The following SOX5 variants were observed in gnomAD, a reference collection of about 807,000 sequenced individuals.
SOX5 encodes SRY-box transcription factor 5.
In SOX5, 9 loss-of-function variants were observed where a neutral mutation model predicts 92.0. The ratio of observed to expected loss-of-function variants is 0.10; its 90% CI spans 0.06 to 0.17. The LOEUF (loss-of-function observed/expected upper bound fraction) is 0.17. SOX5 is among the 10% of genes least tolerant of loss of function. SOX5 has a pLI of 1.00. For missense variants in SOX5, 642 were observed against 944.5 expected (o/e 0.68, Z 4.20); for synonymous variants, 344 against 336.3 (o/e 1.02, Z -0.25).
intron 4 of SOX5, among the ~76,000 whole-genome samples, chr12:24,093,082 C>T (rs75342935): frequency 0.031 from 4,763 of 152,144 alleles, 119 homozygotes; most frequent in Middle Eastern, 0.11. Flanking sequence ...AAAAGGGGGG[C>T]TATTTCCAAC....
At chr12:23,959,759 G>T (rs1946684902) in intron 4 of SOX5, among the ~76,000 whole-genome samples, 1 of 151,980 alleles carries the variant, frequency 6.6e-6, no homozygotes, top group Admixed American at 6.6e-5. Flanking sequence ...GAAATAGAAA[G>T]TGTCCTTAAA....
intron 5 of SOX5, among the ~76,000 whole-genome samples, chr12:23,739,478 T>C (rs2093719198): frequency 6.6e-6 from 1 of 152,190 alleles, no homozygotes; most frequent in Non-Finnish European, 1.5e-5. Flanking sequence ...ATTAGAACGA[T>C]TACTTTTCTA....
intron 3 of SOX5, among the ~76,000 whole-genome samples, chr12:24,261,778 A>G (rs1942128693): frequency 6.6e-6 from 1 of 152,162 alleles, no homozygotes; most frequent in Non-Finnish European, 1.5e-5. Context: ...CCACCATTCA[A>G]GGCTCCACTC....
chr12:23,568,891 C>CAA (rs11398102), intron 10 of SOX5, among the ~76,000 whole-genome samples: 23,097 of 145,348 alleles, frequency 0.16, 1,994 homozygotes, highest in Middle Eastern at 0.27. Flanking sequence ...AAGAATATCT[C>CAA]AAAAAAAAAA....
At chr12:23,687,902 G>A (rs2087921832) in intron 6 of SOX5, among the ~76,000 whole-genome samples, 1 of 149,620 alleles carries the variant, frequency 6.7e-6, no homozygotes, top group Admixed American at 6.7e-5. Flanking sequence ...TTAACAAAAA[G>A]GTTTTGTTTG....
chr12:24,327,385 C>CTTTTTTTTTTTTTTTTTTTTT, intron 2 of SOX5, among the ~76,000 whole-genome samples: 1 of 56,690 alleles, frequency 1.8e-5, no homozygotes, highest in Admixed American at 2.9e-4. Flanking sequence ...GCAATGGAGA[C>CTTTTTTTTTTTTTTTTTTTTT]TTTTTTTTTT....
intron 6 of SOX5, among the ~76,000 whole-genome samples, chr12:23,674,945 G>A (rs2085422650): frequency 1.3e-5 from 2 of 152,034 alleles, no homozygotes; most frequent in Admixed American, 1.3e-4. Context: ...GCCATTTGGT[G>A]TTAATTTCTT....
intron 6 of SOX5, among the ~76,000 whole-genome samples, chr12:23,712,146 C>T (rs551263574): frequency 3.9e-5 from 6 of 152,208 alleles, no homozygotes; most frequent in African/African-American, 1.4e-4. Context: ...AATACATCAG[C>T]CACAACTCTT....
intron 7 of SOX5, among the ~76,000 whole-genome samples, chr12:23,654,502 C>CAA (rs2082070309): frequency 6.6e-6 from 1 of 152,080 alleles, no homozygotes; most frequent in Non-Finnish European, 1.5e-5. Context: ...AATCATTCTT[C>CAA]ACTGTGATTG....
At chr12:23,549,270 G>T (rs1943724956) in intron 11 of SOX5, among the ~76,000 whole-genome samples, 1 of 151,874 alleles carries the variant, frequency 6.6e-6, no homozygotes. Context: ...AAACACCAAA[G>T]AAACTGATTT....
At chr12:23,844,694 T>A (rs1026788209) in intron 3 of SOX5, among the ~76,000 whole-genome samples, 1 of 152,164 alleles carries the variant, frequency 6.6e-6, no homozygotes, top group African/African-American at 2.4e-5. Context: ...AATTAAACAT[T>A]ATTGCTGTTT....
chr12:23,573,586 T>TA (rs1382508121), intron 10 of SOX5, among the ~76,000 whole-genome samples: 1 of 152,192 alleles, frequency 6.6e-6, no homozygotes, highest in Non-Finnish European at 1.5e-5. Flanking sequence ...GTTTTGCATC[T>TA]AAAAAAAGTG....
At chr12:23,878,704 T>C (rs891705975) in intron 2 of SOX5, among the ~76,000 whole-genome samples, 9 of 152,156 alleles carry the variant, frequency 5.9e-5, no homozygotes, top group African/African-American at 2.2e-4. Context: ...ATTTTTATTA[T>C]ATTAAGCTAT....
At chr12:23,949,456 G>T in intron 1 of SOX5, 108 bp downstream of exon 1, 1 of 1,340,862 alleles carries the variant, frequency 7.5e-7, no homozygotes, top group South Asian at 1.2e-5. Flanking sequence ...CTAGCTAAAG[G>T]CTTCTCTAAC....
intron 3 of SOX5, among the ~76,000 whole-genome samples, chr12:24,226,670 C>T (rs540228227): frequency 6.6e-6 from 1 of 152,108 alleles, no homozygotes; most frequent in Admixed American, 6.5e-5. Flanking sequence ...GGGGTTTCAT[C>T]ACATTGGCCA....
chr12:23,657,103 C>T (rs1366491794), intron 7 of SOX5, among the ~76,000 whole-genome samples: 2 of 145,564 alleles, frequency 1.4e-5, no homozygotes, highest in African/African-American at 2.6e-5. Flanking sequence ...AGTTCTTTCT[C>T]GCCTGACTTT....
intron 3 of SOX5, among the ~76,000 whole-genome samples, chr12:23,833,621 A>G (rs1482849257): frequency 1.3e-5 from 2 of 152,012 alleles, no homozygotes; most frequent in Non-Finnish European, 2.9e-5. Flanking sequence ...TTGTATAAAA[A>G]TCACTTCATG....
intron 2 of SOX5, among the ~76,000 whole-genome samples, chr12:24,340,997 C>G (rs1334493227): frequency 1.3e-5 from 2 of 152,152 alleles, no homozygotes; most frequent in Non-Finnish European, 2.9e-5. Flanking sequence ...ATCTGGGCAA[C>G]CACATACCAA....
intron 4 of SOX5, among the ~76,000 whole-genome samples, chr12:24,025,334 C>T (rs1021482583): frequency 1.3e-5 from 2 of 151,964 alleles, no homozygotes; most frequent in African/African-American, 2.4e-5. Context: ...GAAAAAGAAA[C>T]GTATTTCTCT....
Sources: gnomAD v4.1 joint callset for allele counts (sites outside exome capture counted in the v4.1 genomes callset) on GRCh38, gnomAD v4.1.1 for gene constraint, MANE v1.5 for transcripts, NCBI Gene and HGNC (gene_info 2026-07-23, HGNC 2026-07-21) for gene names.